SYT4: variants seen among roughly 807,000 people sequenced by gnomAD.
The protein encoded by SYT4 is synaptotagmin-4.
In SYT4, 7 loss-of-function variants were observed where a neutral mutation model predicts 32.9. The ratio of observed to expected loss-of-function variants is 0.21; its 90% CI spans 0.12 to 0.40. The LOEUF is 0.40. Ranked by LOEUF, SYT4 falls within the 10% of genes least tolerant of loss-of-function variation. The pLI, the probability that SYT4 is intolerant of heterozygous loss-of-function variation, is 1.00. For synonymous variants in SYT4, 205 were observed against 186.2 expected, an observed-to-expected ratio of 1.10 and a Z score of -0.82; for missense variants, 480 against 488.0, an observed-to-expected ratio of 0.98 and a Z score of 0.16.
rs1908537799 is a variant in SYT4 at position 43,268,845 on chromosome 18, T to C, written c.*1496A>G. On this transcript the variant is annotated 3_prime_UTR_variant, in exon 4 of 4. Coordinates refer to ENST00000255224, the MANE Select transcript of SYT4 (RefSeq NM_020783.4). Reference sequence around the variant, plus strand: ...TATAAGTTGTTTGGAAAATGCATTTTTCATAGAATTTACAAACACTGTGAT... The same window carrying C: ...TATAAGTTGTTTGGAAAATGCATTTCTCATAGAATTTACAAACACTGTGAT... 1 of 152,684 alleles carries C rather than the reference T, an allele frequency of 6.5e-6. No homozygotes were observed. The highest frequency in any genetic ancestry group is 2.1e-4 in the South Asian group (1 of 4,834). The allele number at this position is 152,684 out of a possible 1,614,324, so 9.5% of individuals were successfully genotyped here.
intron 1 of SYT4, among the ~76,000 whole-genome samples, chr18:43,275,613 A>T (rs1444377916): frequency 6.6e-6 from 1 of 152,064 alleles, no homozygotes; most frequent in Non-Finnish European, 1.5e-5. Flanking sequence ...CATCCCCCCA[A>T]ATCTTCTGCC....
chr18:43,270,497 A>T lies in SYT4; in HGVS notation c.1122T>A (p.Phe374Leu). Residue 374 changes from phenylalanine to leucine, a missense_variant, in exon 4 of 4, where the codon TTT (phenylalanine) becomes TTA (leucine). By Grantham distance (22) the Phe-to-Leu change is conservative (BLOSUM62 0). Transcript: ENST00000255224. ...CEGLEDISVE[F>L]LVLDSERGSR... ...ACCCCCTTTCAGAATCCAAAACCAA[A>T]AATTCAACACTTATATCTTCAAGGC... The T allele has an allele frequency of 6.2e-7, 1 of 1,614,048 alleles. No homozygotes were observed. The highest frequency in any genetic ancestry group is 8.5e-7 in the Non-Finnish European group (1 of 1,179,974).
rs1297521556 is a variant in SYT4 at position 43,271,753 on chromosome 18, T to G, written c.929A>C (p.Lys310Thr). Residue 310 changes from lysine (K) to threonine (T), a missense_variant, in exon 3 of 4, where the codon AAA (lysine) becomes ACA (threonine). Physicochemically the swap from Lys to Thr is moderately conservative, Grantham distance 78. Coordinates refer to ENST00000255224, the MANE Select transcript of SYT4 (RefSeq NM_020783.4). ...TTNTLTVVVL[K>T]ARHLPKSDVS... ...ATCAGATTTAGGCAGATGTCGAGCT[T>G]TTAAGACAACCACAGTTAGAGTGTT... 1 of 1,613,214 alleles carries G rather than the reference T, an allele frequency of 6.2e-7. No homozygotes were observed. The highest frequency in any genetic ancestry group is 8.5e-7 in the Non-Finnish European group (1 of 1,179,328).
chr18:43,271,355 T>C (rs1418655803), intron 3 of SYT4, among the ~76,000 whole-genome samples: 1 of 152,176 alleles, frequency 6.6e-6, no homozygotes. Context: ...AGATGATATC[T>C]GAAGAAGTAT....
At position 43,274,229 on chromosome 18, in the gene SYT4, A is replaced by G. The variant is rs769590610; in HGVS notation, c.200T>C (p.Leu67Pro). 5 of 1,613,816 alleles carry G rather than the reference A, an allele frequency of 3.1e-6. No homozygotes were observed. In the East Asian group the frequency reaches 1.1e-4, roughly 36 times the overall value. The part of the protein sequence containing the change: ...LKGVDIYPEN[L>P]NSKKKFGADD... Reference sequence around the variant, plus strand: ...TGCTCCAAACTTCTTTTTGCTATTTAGGTTTTCAGGGTAAATATCAACTCC... The same window carrying G: ...TGCTCCAAACTTCTTTTTGCTATTTGGGTTTTCAGGGTAAATATCAACTCC... The change falls in exon 2 of 4, where the codon CTA becomes CCA. Residue 67 changes from leucine (L) to proline (P), a missense_variant. Transcript: ENST00000255224.
Position 43,271,820 on chromosome 18 carries a change from G to T in SYT4, c.862C>A (p.Arg288=). Residue 288 remains arginine (R), a synonymous_variant, in exon 3 of 4, where the codon CGG becomes AGG. Coordinates refer to ENST00000255224, the MANE Select transcript of SYT4 (RefSeq NM_020783.4). ...CAGAGAGAGATCAGTAACTCACCCC[G>T]TCCTGAAGACTTCTGCAGAAAGAGA... ...IKRNVRKSSG[R]GELLISLCYQ... The T allele has an allele frequency of 2.5e-6, 4 of 1,611,996 alleles. No homozygotes were observed. In the South Asian group the frequency reaches 3.3e-5, roughly 13 times the overall value.
Position 43,270,221 on chromosome 18 carries a change from GCAACAA to G in SYT4, c.*114_*119del. Reference sequence around the variant, plus strand: ...GGTCTACTAATTCAATCCATTTCTAGCAACAACAACAACAACAAAAAGGTAGCTTGA... The same window carrying G: ...GGTCTACTAATTCAATCCATTTCTAGCAACAACAACAAAAAGGTAGCTTGA... On this transcript the variant is annotated 3_prime_UTR_variant, in exon 4 of 4. Transcript: ENST00000255224. The G allele has an allele frequency of 1.9e-6, 2 of 1,042,444 alleles. No homozygotes were observed. Among genetic ancestry groups the G allele is most frequent in the South Asian group, 1.6e-5 (1 of 63,836 alleles). The allele number at this position is 1,042,444 out of a possible 1,614,324, so 64.6% of individuals were successfully genotyped here. A position where few individuals can be genotyped will look rare whatever the true frequency, so the allele number is the denominator to read the frequency against.
chr18:43,270,751 GT>G, intron 3 of SYT4, 103 bp from the exon 4 acceptor site: 1 of 1,246,054 alleles, frequency 8.0e-7, no homozygotes, highest in Non-Finnish European at 1.1e-6. Context: ...ATGACATGTG[GT>G]TACCAGGAAA....
rs1330300128 is a variant in SYT4 at position 43,273,562 on chromosome 18, G to A, written c.849+18C>T. On this transcript the variant is annotated intron_variant, in intron 2 of 3. Transcript: ENST00000255224. ...AAAAGATTGTTTATAAATACTTTAA[G>A]CACTGAAAATAAATTACCCTAACAT... 1 of 1,536,884 alleles carries A rather than the reference G, an allele frequency of 6.5e-7. No homozygotes were observed.
chr18:43,275,040 C>A (rs1908750834), intron 1 of SYT4, among the ~76,000 whole-genome samples: 1 of 152,014 alleles, frequency 6.6e-6, no homozygotes, highest in Admixed American at 6.6e-5. Context: ...CACTATCATC[C>A]CTTTGTATGA....
At chr18:43,273,551 A>C in intron 2 of SYT4, 29 bp downstream of exon 2, 1 of 1,487,750 alleles carries the variant, frequency 6.7e-7, no homozygotes, top group Non-Finnish European at 9.1e-7. Context: ...GATTGTTTAT[A>C]AATACTTTAA....
chr18:43,273,091 A>G lies in SYT4; in HGVS notation c.849+489T>C, dbSNP rs144462659. 1.6e-3 allele frequency among the ~76,000 whole-genome samples: 239 copies of G among 152,300 alleles called. 2 individuals are homozygous for G. Among genetic ancestry groups the G allele is most frequent in the Non-Finnish European group, 2.7e-3 (187 of 68,008 alleles). On this transcript the variant is annotated intron_variant, in intron 2 of 3. Coordinates refer to ENST00000255224, the MANE Select transcript of SYT4 (RefSeq NM_020783.4). ...CTATACAATTTAGAGATGAGCATTT[A>G]TAATTGAAAATGACGTGATGCCTCT...
At chr18:43,273,343 T>C (rs768069251) in intron 2 of SYT4, among the ~76,000 whole-genome samples, 1 of 152,134 alleles carries the variant, frequency 6.6e-6, no homozygotes, top group Non-Finnish European at 1.5e-5. Flanking sequence ...TATCTAAATA[T>C]CCATAAAGAA....
At chr18:43,275,836 T>C (rs902582530) in intron 1 of SYT4, among the ~76,000 whole-genome samples, 9 of 152,048 alleles carry the variant, frequency 5.9e-5, no homozygotes, top group Non-Finnish European at 1.2e-4. Flanking sequence ...GAGCTAAAGA[T>C]AATCAGCTAA....
In SYT4 at chr18:43,273,818, T is replaced by C. The variant is rs146977783; in HGVS notation, c.611A>G (p.His204Arg). 2.5e-6 allele frequency: 4 copies of C among 1,613,962 alleles called. No homozygotes were observed. The highest frequency in any genetic ancestry group is 1.3e-5 in the African/African-American group (1 of 74,938). The change falls in exon 2 of 4, where the codon CAT (histidine) becomes CGT (arginine). Residue 204 changes from histidine (H) to arginine (R), a missense_variant. By Grantham distance (29) the His-to-Arg change is conservative. Transcript: ENST00000255224. Reference sequence around the variant, plus strand: ...TCTCAGCACTCTAGTTTTCACTTTATGCTTCTTCTCTGGGAGGATCGTCAT... The same window carrying C: ...TCTCAGCACTCTAGTTTTCACTTTACGCTTCTTCTCTGGGAGGATCGTCAT... ...IKMTILPEKK[H>R]KVKTRVLRKT...
At chr18:43,275,272 T>C (rs951460510) in intron 1 of SYT4, among the ~76,000 whole-genome samples, 1 of 152,140 alleles carries the variant, frequency 6.6e-6, no homozygotes, top group African/African-American at 2.4e-5. Flanking sequence ...TTTTCTTGAA[T>C]GATGGCACAT....
In SYT4 at chr18:43,270,034, C is replaced by A. The variant is rs1197858454; in HGVS notation, c.*307G>T. On this transcript the variant is annotated 3_prime_UTR_variant, in exon 4 of 4. Transcript: ENST00000255224. ...GTGACATGTTCCAATGAGATTGTCA[C>A]ATTTATAATTTGGGATTCTGGCACA... 1 of 309,394 alleles carries A rather than the reference C, an allele frequency of 3.2e-6. No homozygotes were observed. Among genetic ancestry groups the A allele is most frequent in the Admixed American group, 4.6e-5 (1 of 21,842 alleles). The allele number at this position is 309,394 out of a possible 1,614,324, so 19.2% of individuals were successfully genotyped here. A position where few individuals can be genotyped will look rare whatever the true frequency, so the allele number is the denominator to read the frequency against.
In SYT4 at chr18:43,270,531, G is replaced by A. The variant is rs1278138183; in HGVS notation, c.1088C>T (p.Pro363Leu). ...VFNELFVFDI[P>L]CEGLEDISVE... ...ACTTATATCTTCAAGGCCCTCACAA[G>A]GAATATCAAAGACAAACAGCTCATT... is the stretch of plus-strand genomic sequence containing the variant. The change falls in exon 4 of 4, where the codon CCT (proline) becomes CTT (leucine). Residue 363 changes from proline (P) to leucine (L), a missense_variant. By Grantham distance (98) the Pro-to-Leu change is moderately conservative (BLOSUM62 -3). Coordinates refer to ENST00000255224, the MANE Select transcript of SYT4 (RefSeq NM_020783.4). The A allele has an allele frequency of 6.2e-7, 1 of 1,613,974 alleles. No individual in the cohort carries two copies. The highest frequency in any genetic ancestry group is 8.5e-7 in the Non-Finnish European group (1 of 1,179,984).
At chr18:43,274,782 C>A (rs1013963319) in intron 1 of SYT4, among the ~76,000 whole-genome samples, 1 of 152,008 alleles carries the variant, frequency 6.6e-6, no homozygotes, top group Non-Finnish European at 1.5e-5. Context: ...TTGAGGCTTT[C>A]CAGAGCATCA....
Sources: gnomAD v4.1 joint callset for allele counts (sites outside exome capture counted in the v4.1 genomes callset) on GRCh38, gnomAD v4.1.1 for gene constraint, MANE v1.5 for transcripts, NCBI Gene and HGNC (gene_info 2026-07-23, HGNC 2026-07-21) for gene names.